INPP4B: variants seen among roughly 807,000 people sequenced by gnomAD.
INPP4B encodes inositol polyphosphate 4-phosphatase type II.
INPP4B carries 55 observed loss-of-function variants against 122.5 expected under a neutral mutation model. The observed-to-expected ratio is 0.45, with a 90% CI of 0.36 to 0.56. INPP4B has a LOEUF of 0.56. INPP4B is among the 20% of genes least tolerant of loss of function. The pLI, the probability that INPP4B is intolerant of heterozygous loss-of-function variation, is 0.00. For synonymous variants in INPP4B, 403 were observed against 388.7 expected, an observed-to-expected ratio of 1.04 and a Z score of -0.43; for missense variants, 1,000 against 1,097.7, an observed-to-expected ratio of 0.91 and a Z score of 1.26.
At chr4:142,252,439 C>T (rs1444969359) in intron 11 of INPP4B, among the ~76,000 whole-genome samples, 4 of 152,114 alleles carry the variant, frequency 2.6e-5, no homozygotes, top group South Asian at 2.1e-4. Context: ...CCGCCCGCCT[C>T]GGCCTCCCAA....
intron 2 of INPP4B, among the ~76,000 whole-genome samples, chr4:142,693,515 A>C (rs1760540744): frequency 1.6e-5 from 1 of 63,826 alleles, no homozygotes; most frequent in East Asian, 6.6e-4. Context: ...AAAAAAAAAA[A>C]AAAAAAAAAA....
At chr4:142,524,739 A>T (rs1323195824) in intron 2 of INPP4B, among the ~76,000 whole-genome samples, 1 of 152,148 alleles carries the variant, frequency 6.6e-6, no homozygotes, top group Non-Finnish European at 1.5e-5. Flanking sequence ...GACGTATTTC[A>T]AAATAATAAG....
At chr4:142,298,079 C>T (rs1036279091) in intron 9 of INPP4B, among the ~76,000 whole-genome samples, 5 of 152,094 alleles carry the variant, frequency 3.3e-5, no homozygotes, top group Admixed American at 6.6e-5. Flanking sequence ...TCTACTACCT[C>T]ACATGCCTTC....
intron 2 of INPP4B, among the ~76,000 whole-genome samples, chr4:142,687,094 A>T (rs758540336): frequency 1.3e-5 from 2 of 152,004 alleles, no homozygotes; most frequent in Non-Finnish European, 2.9e-5. Context: ...AAGATGGGGG[A>T]CTTTTTTATT....
At chr4:142,034,079 C>T (rs1318666740) in intron 25 of INPP4B, among the ~76,000 whole-genome samples, 1 of 152,192 alleles carries the variant, frequency 6.6e-6, no homozygotes, top group Non-Finnish European at 1.5e-5. Context: ...AAACATTCAG[C>T]TCCGAATATT....
intron 8 of INPP4B, among the ~76,000 whole-genome samples, chr4:142,310,134 T>C (rs1052167995): frequency 6.6e-6 from 1 of 152,124 alleles, no homozygotes; most frequent in African/African-American, 2.4e-5. Context: ...GGTTTTTTTT[T>C]TTTTATATTA....
intron 7 of INPP4B, among the ~76,000 whole-genome samples, chr4:142,367,374 A>C (rs1787943249): frequency 1.3e-5 from 2 of 152,126 alleles, no homozygotes; most frequent in Admixed American, 1.3e-4. Flanking sequence ...TTTCACACAC[A>C]GTTACTAACA....
chr4:142,330,721 T>C (rs185075075), intron 7 of INPP4B, among the ~76,000 whole-genome samples: 6 of 152,344 alleles, frequency 3.9e-5, no homozygotes, highest in African/African-American at 1.4e-4. Context: ...ATTTGAAACC[T>C]TGAATTTTAA....
At chr4:142,740,733 T>A (rs191010282) in intron 1 of INPP4B, among the ~76,000 whole-genome samples, 1 of 152,144 alleles carries the variant, frequency 6.6e-6, no homozygotes, top group Admixed American at 6.6e-5. Context: ...GGGAAATATT[T>A]GTGACATTTC....
intron 25 of INPP4B, 74 bp downstream of exon 25, chr4:142,081,953 ATATG>A: frequency 9.7e-7 from 1 of 1,031,656 alleles, no homozygotes; most frequent in Non-Finnish European, 1.3e-6. Context: ...CTCCAATAAA[ATATG>A]TATTTTGAAA....
intron 2 of INPP4B, among the ~76,000 whole-genome samples, chr4:142,559,916 T>C (rs956803697): frequency 2.0e-5 from 3 of 152,226 alleles, no homozygotes; most frequent in African/African-American, 7.2e-5. Context: ...AAATAGTTTT[T>C]ATACACTTTA....
chr4:142,824,296 T>TTATCTATC (rs369651255), intron 1 of INPP4B, among the ~76,000 whole-genome samples: 2,431 of 150,640 alleles, frequency 0.016, 66 homozygotes, highest in African/African-American at 0.057. Context: ...TACCTATCTA[T>TTATCTATC]TATCTATCTG....
chr4:142,410,558 A>G (rs1804388116), intron 5 of INPP4B, among the ~76,000 whole-genome samples: 2 of 152,204 alleles, frequency 1.3e-5, no homozygotes, highest in African/African-American at 2.4e-5. Flanking sequence ...AAATTAGCCA[A>G]AGGAAATTTA....
At chr4:142,423,156 T>C (rs750600357) in intron 5 of INPP4B, among the ~76,000 whole-genome samples, 14 of 152,038 alleles carry the variant, frequency 9.2e-5, no homozygotes, top group Non-Finnish European at 1.3e-4. Context: ...GAGAGTAGGA[T>C]TGTGAACATA....
At chr4:142,452,388 G>T (rs1435044998) in intron 3 of INPP4B, among the ~76,000 whole-genome samples, 1 of 152,204 alleles carries the variant, frequency 6.6e-6, no homozygotes, top group Non-Finnish European at 1.5e-5. Context: ...GTTAGATTTT[G>T]TTCTGTGTCA....
At chr4:142,781,321 G>T (rs1774782166) in intron 1 of INPP4B, among the ~76,000 whole-genome samples, 1 of 152,208 alleles carries the variant, frequency 6.6e-6, no homozygotes, top group Admixed American at 6.5e-5. Flanking sequence ...CATCTTTCAA[G>T]TGTCGATCCT....
At chr4:142,460,430 T>C (rs1264913169) in intron 3 of INPP4B, among the ~76,000 whole-genome samples, 2 of 152,182 alleles carry the variant, frequency 1.3e-5, no homozygotes, top group Non-Finnish European at 2.9e-5. Context: ...GCTCCCCAGA[T>C]GCCAACTAAT....
chr4:142,195,354 T>C lies in INPP4B; in HGVS notation c.1073-2159A>G, dbSNP rs1198948490. ...TGCAAAATAAGTTCCAGAGATATGC[T>C]GTATAACATAGTGCCTATAGTTAAT... is the stretch of plus-strand genomic sequence containing the variant. On this transcript the variant is annotated intron_variant, in intron 14 of 25. Transcript: ENST00000262992. Among the ~76,000 whole-genome samples, 9 of 152,190 alleles carry C rather than the reference T, an allele frequency of 5.9e-5. 1 individual carries two copies. Among genetic ancestry groups the C allele is most frequent in the Non-Finnish European group, 1.3e-4 (9 of 68,028 alleles).
intron 2 of INPP4B, among the ~76,000 whole-genome samples, chr4:142,686,677 C>T (rs974991139): frequency 6.6e-6 from 1 of 152,090 alleles, no homozygotes; most frequent in Admixed American, 6.6e-5. Context: ...TTCTACAGTA[C>T]AAAATGCATT....
Sources: allele counts gnomAD v4.1 joint callset (sites outside exome capture counted in the v4.1 genomes callset), GRCh38; gene constraint gnomAD v4.1.1; transcripts MANE v1.5; gene names NCBI Gene and HGNC (gene_info 2026-07-23, HGNC 2026-07-21).